The following PPARG variants were observed in gnomAD, a reference collection of about 807,000 sequenced individuals.
PPARG encodes peroxisome proliferator activated receptor gamma.
PPARG carries 17 observed loss-of-function variants against 39.2 expected under a neutral mutation model. The ratio of observed to expected loss-of-function variants is 0.43; its 90% CI spans 0.30 to 0.65. The LOEUF (loss-of-function observed/expected upper bound fraction) is 0.65, where lower values mean the gene tolerates loss of function less well. Ranked by LOEUF, PPARG falls within the 30% of genes least tolerant of loss-of-function variation. The pLI, the probability that PPARG is intolerant of heterozygous loss-of-function variation, is 0.13. For synonymous variants in PPARG, 223 were observed against 215.7 expected, an observed-to-expected ratio of 1.03 and a Z score of -0.30; for missense variants, 406 against 585.9, an observed-to-expected ratio of 0.69 and a Z score of 3.17.
At chr3:12,310,466 T>TCTCATCTCTCATGTGTTC (rs2124988051) in intron 1 of PPARG, among the ~76,000 whole-genome samples, 142 of 98,028 alleles carry the variant, frequency 1.4e-3, no homozygotes, top group East Asian at 1.7e-3. Flanking sequence ...CCCTTTTTTT[T>TCTCATCTCTCATGTGTTC]TTTTTTTTTT....
chr3:12,358,956 T>A (rs1011071774), intron 2 of PPARG, among the ~76,000 whole-genome samples: 1 of 152,222 alleles, frequency 6.6e-6, no homozygotes. Flanking sequence ...GATTTCAATA[T>A]GAATGACCAT....
chr3:12,293,899 C>T (rs1379625311), intron 1 of PPARG, among the ~76,000 whole-genome samples: 1 of 152,156 alleles, frequency 6.6e-6, no homozygotes, highest in Non-Finnish European at 1.5e-5. Context: ...GGCTGTCATA[C>T]ACCTCTTAAA....
chr3:12,369,203 C>A (rs6801982), intron 2 of PPARG, among the ~76,000 whole-genome samples: 3,197 of 152,172 alleles, frequency 0.021, 121 homozygotes, highest in African/African-American at 0.073. Context: ...AACATACTTA[C>A]ATTAATGGCC....
chr3:12,336,179 G>C (rs1397765515), intron 2 of PPARG, among the ~76,000 whole-genome samples: 2 of 152,180 alleles, frequency 1.3e-5, no homozygotes, highest in Non-Finnish European at 2.9e-5. Flanking sequence ...GACAGTGCTG[G>C]AACCAAAATG....
At chr3:12,411,107 A>G (rs1174739030) in intron 6 of PPARG, among the ~76,000 whole-genome samples, 1 of 152,214 alleles carries the variant, frequency 6.6e-6, no homozygotes, top group Non-Finnish European at 1.5e-5. Context: ...ACTGTCAGGA[A>G]TAGCTAAAGA....
At chr3:12,328,647 G>A (rs1285373378) in intron 2 of PPARG, among the ~76,000 whole-genome samples, 2 of 152,214 alleles carry the variant, frequency 1.3e-5, no homozygotes, top group African/African-American at 4.8e-5. Flanking sequence ...TGAGCAGAGG[G>A]TGAGAGAGGC....
intron 1 of PPARG, among the ~76,000 whole-genome samples, chr3:12,302,423 A>G (rs1301487073): frequency 6.6e-6 from 1 of 152,188 alleles, no homozygotes; most frequent in Non-Finnish European, 1.5e-5. Context: ...ATGTTTTGGA[A>G]CTACACAGAA....
chr3:12,360,023 A>G (rs1056743701), intron 2 of PPARG, among the ~76,000 whole-genome samples: 2 of 151,992 alleles, frequency 1.3e-5, no homozygotes, highest in African/African-American at 2.4e-5. Context: ...TACTTCCGCC[A>G]TTTACACTGA....
intron 2 of PPARG, among the ~76,000 whole-genome samples, chr3:12,369,347 C>T (rs937376049): frequency 2.6e-5 from 4 of 152,004 alleles, no homozygotes; most frequent in African/African-American, 7.3e-5. Context: ...CAAAAATTAG[C>T]CAGCAGTGGT....
At chr3:12,421,214 T>C (rs1575146946) in intron 7 of PPARG, among the ~76,000 whole-genome samples, 1 of 152,206 alleles carries the variant, frequency 6.6e-6, no homozygotes, top group East Asian at 1.9e-4. Flanking sequence ...CTCACTCTTG[T>C]GTTGGTGGCT....
chr3:12,369,047 CCTTTAT>C (rs569948529), intron 2 of PPARG, among the ~76,000 whole-genome samples: 64 of 152,270 alleles, frequency 4.2e-4, no homozygotes, highest in African/African-American at 1.4e-3. Context: ...TTAATTTTTA[CCTTTAT>C]CTAAATAACA....
chr3:12,393,235 G>A (rs1269738632), intron 5 of PPARG, among the ~76,000 whole-genome samples: 2 of 142,220 alleles, frequency 1.4e-5, no homozygotes, highest in Non-Finnish European at 3.0e-5. Context: ...ATGCAAAGAC[G>A]AGTATTCGTT....
intron 2 of PPARG, among the ~76,000 whole-genome samples, chr3:12,374,789 G>A (rs1009269234): frequency 5.9e-5 from 9 of 152,026 alleles, no homozygotes; most frequent in Non-Finnish European, 8.8e-5. Context: ...AGGAGGCTGG[G>A]GAAGGGCTAT....
At chr3:12,291,779 T>C (rs753082522) in intron 1 of PPARG, among the ~76,000 whole-genome samples, 1 of 152,230 alleles carries the variant, frequency 6.6e-6, no homozygotes, top group Non-Finnish European at 1.5e-5. Context: ...ATGCCGAGAA[T>C]TTCATTCAGA....
intron 1 of PPARG, among the ~76,000 whole-genome samples, chr3:12,311,105 ATT>A (rs879305294): frequency 6.6e-6 from 1 of 151,142 alleles, no homozygotes; most frequent in African/African-American, 2.4e-5. Context: ...CTGTATTAAA[ATT>A]TTTTTTTTAT....
intron 1 of PPARG, chr3:12,297,831 T>A (rs1163408320): frequency 6.6e-6 from 1 of 152,164 alleles, no homozygotes; most frequent in African/African-American, 2.4e-5. Flanking sequence ...TTTTCTATTA[T>A]GTTCCTTTTT....
At chr3:12,366,447 C>T (rs2049019964) in intron 2 of PPARG, among the ~76,000 whole-genome samples, 1 of 150,740 alleles carries the variant, frequency 6.6e-6, no homozygotes, top group Non-Finnish European at 1.5e-5. Context: ...CTTTTCTTGT[C>T]TTGTTACGTT....
In PPARG at chr3:12,434,180, C is replaced by T. The variant is rs754394686; in HGVS notation, c.*35C>T. On this transcript the variant is annotated 3_prime_UTR_variant, in exon 8 of 8. Coordinates refer to ENST00000651735, the MANE Select transcript of PPARG (RefSeq NM_138711.6). This position sits in a 1 kb window ranked among gnomAD's most constrained non-coding sequence, Gnocchi z 4.2. Reference sequence around the variant, plus strand: ...CTGAGCCACTGCCAACATTTCCCTTCTTCCAGTTGCACTATTCTGAGGGAA... The same window carrying T: ...CTGAGCCACTGCCAACATTTCCCTTTTTCCAGTTGCACTATTCTGAGGGAA... 6.2e-7 allele frequency: 1 copy of T among 1,613,834 alleles called. No homozygotes were observed. The highest frequency in any genetic ancestry group is 8.5e-7 in the Non-Finnish European group (1 of 1,179,840).
intron 2 of PPARG, among the ~76,000 whole-genome samples, chr3:12,356,407 A>C (rs765188693): frequency 6.6e-6 from 1 of 152,196 alleles, no homozygotes; most frequent in Non-Finnish European, 1.5e-5. Context: ...TTTTTATTTG[A>C]GCAAGGGATT....
Sources: gnomAD v4.1 joint callset for allele counts (sites outside exome capture counted in the v4.1 genomes callset) on GRCh38, gnomAD v4.1.1 for gene constraint, Gnocchi (gnomAD v3.1) non-coding constraint, MANE v1.5 for transcripts, NCBI Gene and HGNC (gene_info 2026-07-23, HGNC 2026-07-21) for gene names.